The following SVOPL variants were observed in gnomAD, a reference collection of about 807,000 sequenced individuals.
SVOPL encodes putative transporter SVOPL.
A neutral mutation model predicts 61.0 loss-of-function variants in SVOPL; 60 were observed. The observed-to-expected ratio is 0.98, with a 90% confidence interval of 0.80 to 1.22. The LOEUF (loss-of-function observed/expected upper bound fraction) is 1.22. Ranked by LOEUF, SVOPL falls within the 50% of genes most tolerant of loss-of-function variation. The pLI is 0.00. For missense variants in SVOPL, 662 were observed against 643.9 expected, an observed-to-expected ratio of 1.03 and a Z score of -0.30; for synonymous variants, 279 against 250.0, an observed-to-expected ratio of 1.12 and a Z score of -1.09.
chr7:138,646,983 A>G (rs1252491587), intron 8 of SVOPL, among the ~76,000 whole-genome samples: 4 of 152,212 alleles, frequency 2.6e-5, no homozygotes. Context: ...CCAGAAGAAA[A>G]TGGACATGGC....
intron 14 of SVOPL, among the ~76,000 whole-genome samples, chr7:138,603,947 AATTTAT>A (rs1460979093): frequency 7.5e-5 from 11 of 147,430 alleles, no homozygotes; most frequent in Non-Finnish European, 3.0e-5. Flanking sequence ...CAAAAACCTT[AATTTAT>A]TCTTTTTTTT....
At chr7:138,616,868 C>A (rs144443130) in intron 14 of SVOPL, among the ~76,000 whole-genome samples, 75 of 152,316 alleles carry the variant, frequency 4.9e-4, no homozygotes, top group African/African-American at 1.7e-3. Context: ...CTCATCACAG[C>A]CTCGAACTCC....
At chr7:138,660,338 A>C in intron 5 of SVOPL, 1 of 1,019,502 alleles carries the variant, frequency 9.8e-7, no homozygotes. Context: ...GAGGAGTACA[A>C]GGAGAACATT....
At chr7:138,635,945 A>AT in intron 9 of SVOPL, among the ~76,000 whole-genome samples, 1 of 152,134 alleles carries the variant, frequency 6.6e-6, no homozygotes, top group East Asian at 1.9e-4. Flanking sequence ...ATATATATAC[A>AT]TTTTTTTGAA....
intron 9 of SVOPL, among the ~76,000 whole-genome samples, chr7:138,633,401 C>T (rs1432718586): frequency 2.0e-5 from 3 of 152,040 alleles, no homozygotes; most frequent in Non-Finnish European, 4.4e-5. Context: ...TCTCACTCTA[C>T]CAGTTCATGT....
chr7:138,663,769 C>A (rs1031081908), intron 4 of SVOPL, among the ~76,000 whole-genome samples: 2 of 152,146 alleles, frequency 1.3e-5, no homozygotes, highest in African/African-American at 4.8e-5. Flanking sequence ...TATTTTCCTG[C>A]CTTCAAGAAG....
chr7:138,596,695 GTA>G, intron 14 of SVOPL, 165 bp from the exon 15 acceptor site: 2 of 1,351,054 alleles, frequency 1.5e-6, no homozygotes, highest in East Asian at 3.0e-5. Flanking sequence ...CCAATCTGGT[GTA>G]GTCATTTTGT....
At chr7:138,676,271 G>A (rs1392962247) in intron 3 of SVOPL, among the ~76,000 whole-genome samples, 5 of 152,200 alleles carry the variant, frequency 3.3e-5, no homozygotes, top group Non-Finnish European at 7.4e-5. Flanking sequence ...ATAGCGTAGG[G>A]TGTTTGTCTT....
chr7:138,606,848 G>A (rs565440627), intron 14 of SVOPL, among the ~76,000 whole-genome samples: 83 of 152,250 alleles, frequency 5.5e-4, no homozygotes, highest in African/African-American at 1.9e-3. Flanking sequence ...CAGCTACTCA[G>A]GAGGCTGAGG....
intron 9 of SVOPL, among the ~76,000 whole-genome samples, chr7:138,637,214 G>C (rs1321854469): frequency 6.6e-6 from 1 of 151,932 alleles, no homozygotes; most frequent in African/African-American, 2.4e-5. Flanking sequence ...TATCACTTGA[G>C]GCCAGGAATT....
intron 13 of SVOPL, among the ~76,000 whole-genome samples, chr7:138,621,861 TC>T (rs1563095558): frequency 1.8e-5 from 2 of 109,428 alleles, no homozygotes; most frequent in Non-Finnish European, 4.0e-5. Context: ...TATCTATCTA[TC>T]TATCTATCTA....
intron 15 of SVOPL, among the ~76,000 whole-genome samples, chr7:138,594,942 G>GAAAA (rs199961515): frequency 0.062 from 9,204 of 149,146 alleles, 334 homozygotes; most frequent in African/African-American, 0.096. Flanking sequence ...TTTTTTTAGA[G>GAAAA]ACAGGGTTTC....
chr7:138,614,392 C>CT (rs528123598), intron 14 of SVOPL, among the ~76,000 whole-genome samples: 1,882 of 137,864 alleles, frequency 0.014, 22 homozygotes, highest in African/African-American at 0.024. Context: ...AGCATTTCAA[C>CT]TTTTTTTTTT....
intron 13 of SVOPL, among the ~76,000 whole-genome samples, chr7:138,622,182 GTATC>G (rs1297555390): frequency 0.021 from 990 of 46,744 alleles, 93 homozygotes; most frequent in African/African-American, 0.034. Flanking sequence ...ATCTGTCTAT[GTATC>G]TATCTATCTA....
intron 9 of SVOPL, among the ~76,000 whole-genome samples, chr7:138,630,538 C>T (rs1019523578): frequency 1.3e-5 from 2 of 152,156 alleles, no homozygotes; most frequent in African/African-American, 2.4e-5. Context: ...AAGAAAACAA[C>T]GGCATAAAGT....
At chr7:138,596,335 C>T (rs1005629041) in intron 15 of SVOPL, 82 bp downstream of exon 15, 4 of 1,115,108 alleles carry the variant, frequency 3.6e-6, no homozygotes, top group Admixed American at 2.4e-5. Context: ...ATTTTAACTA[C>T]AATGATGCCC....
At chr7:138,672,821 C>A (rs192406941) in intron 3 of SVOPL, among the ~76,000 whole-genome samples, 77 of 148,820 alleles carry the variant, frequency 5.2e-4, no homozygotes, top group Middle Eastern at 3.5e-3. Flanking sequence ...AAACTTAATG[C>A]TACTAAATAT....
At chr7:138,658,491 G>C (rs1256592014) in intron 6 of SVOPL, among the ~76,000 whole-genome samples, 2 of 152,076 alleles carry the variant, frequency 1.3e-5, no homozygotes, top group Non-Finnish European at 2.9e-5. Context: ...ATGCTGTCCA[G>C]GCTGGTCTTG....
At chr7:138,685,382 A>G (rs1802784756) in intron 1 of SVOPL, among the ~76,000 whole-genome samples, 2 of 152,212 alleles carry the variant, frequency 1.3e-5, no homozygotes, top group African/African-American at 4.8e-5. Context: ...AATCTAGAAT[A>G]GTCAAAGTCA....
Sources: allele counts gnomAD v4.1 joint callset (sites outside exome capture counted in the v4.1 genomes callset), GRCh38; gene constraint gnomAD v4.1.1; transcripts MANE v1.5; gene names NCBI Gene and HGNC (gene_info 2026-07-23, HGNC 2026-07-21).